Variants in C4orf50 observed in about 807,000 individuals in gnomAD.
C4orf50 encodes chromosome 4 open reading frame 50.
A neutral mutation model predicts 77.2 loss-of-function variants in C4orf50; 80 were observed. That is an observed-to-expected ratio of 1.04 (90% confidence interval 0.87 to 1.25). The LOEUF (loss-of-function observed/expected upper bound fraction) is 1.25, where lower values mean the gene tolerates loss of function less well. Among genes scored for constraint, C4orf50 ranks in the 50% most tolerant of loss-of-function variants. The pLI is 0.00. For missense variants in C4orf50, 1,257 were observed against 1,152.9 expected (o/e 1.09, Z -1.31); for synonymous variants, 532 against 465.3 (o/e 1.14, Z -1.84).
At chr4:5,988,551 A>T (rs1721016061) in exon 28 of C4orf50, 1 of 1,537,024 alleles carries the variant, frequency 6.5e-7, no homozygotes, top group Non-Finnish European at 8.7e-7. Flanking sequence ...TGCCTGTGGA[A>T]GGTCCTGTCT....
At chr4:5,898,181 A>G (rs1716205964) in exon 8 of C4orf50, 1 of 152,202 alleles carries the variant, frequency 6.6e-6, no homozygotes, top group Non-Finnish European at 1.5e-5. Flanking sequence ...GGTTCTACCA[A>G]AGTGAACTTG....
intron 7 of C4orf50, among the ~76,000 whole-genome samples, chr4:5,912,530 G>C (rs528849246): frequency 6.6e-6 from 1 of 152,218 alleles, no homozygotes; most frequent in Non-Finnish European, 1.5e-5. Context: ...AAAGGGGTAT[G>C]ATGGTGAAAG....
At chr4:5,995,516 C>CACAT (rs1721534186) in intron 25 of C4orf50, among the ~76,000 whole-genome samples, 1 of 146,940 alleles carries the variant, frequency 6.8e-6, no homozygotes, top group Non-Finnish European at 1.5e-5. Context: ...CACACACACA[C>CACAT]ACTCAGCTGT....
chr4:5,988,803 C>CATGTCTTCT, exon 28 of C4orf50: 1 of 1,536,122 alleles, frequency 6.5e-7, no homozygotes, highest in Non-Finnish European at 8.7e-7. Flanking sequence ...AGGCCCGGAT[C>CATGTCTTCT]ATGTCTTCTA....
At position 6,017,320 on chromosome 4, in the gene C4orf50, C is replaced by T. The variant is rs1722718424; in HGVS notation, c.287+825G>A. On this transcript the variant is annotated intron_variant, in intron 23 of 33. Coordinates refer to ENST00000531445, the Ensembl canonical transcript of C4orf50. This position sits in a 1 kb window ranked among gnomAD's most constrained non-coding sequence, Gnocchi z 4.7. ...TGTTACCAGGGCAGGGCAGAGCAGC[C>T]AGGCCACCCAGCGGGAGCTGGGACC... Among the ~76,000 whole-genome samples the T allele has an allele frequency of 6.6e-6, 1 of 152,214 alleles. No homozygotes were observed. Among genetic ancestry groups the T allele is most frequent in the African/African-American group, 2.4e-5 (1 of 41,458 alleles).
At chr4:5,937,622 T>A (rs1008167338) in intron 7 of C4orf50, among the ~76,000 whole-genome samples, 2 of 152,164 alleles carry the variant, frequency 1.3e-5, no homozygotes, top group East Asian at 3.8e-4. Flanking sequence ...AAACTTTCCA[T>A]TTAAAAGACA....
At chr4:5,915,128 A>G (rs116392195) in intron 7 of C4orf50, among the ~76,000 whole-genome samples, 2,993 of 152,288 alleles carry the variant, frequency 0.02, 54 homozygotes, top group South Asian at 0.045. Context: ...GGGAATGGCC[A>G]GAGGGATCTT....
chr4:6,016,676 G>C (rs983976734), intron 23 of C4orf50, among the ~76,000 whole-genome samples: 1 of 152,104 alleles, frequency 6.6e-6, no homozygotes, highest in Non-Finnish European at 1.5e-5. Flanking sequence ...TGGCAACCCA[G>C]GCAAACTAAC....
At chr4:5,952,377 G>A (rs951351789), downstream of C4orf50, among the ~76,000 whole-genome samples, 3 of 152,202 alleles carry the variant, frequency 2.0e-5, no homozygotes, top group African/African-American at 2.4e-5. This position sits in a 1 kb window ranked among gnomAD's most constrained non-coding sequence, Gnocchi z 4.4. Flanking sequence ...GAAGCCAGCC[G>A]AATTGCACCC....
At chr4:6,010,290 A>G (rs2108811437) in intron 24 of C4orf50, among the ~76,000 whole-genome samples, 1 of 152,114 alleles carries the variant, frequency 6.6e-6, no homozygotes, top group East Asian at 1.9e-4. Flanking sequence ...AAGTAACTCG[A>G]TTTTCTGCAC....
chr4:5,902,671 A>AT (rs1716391126), intron 7 of C4orf50: 1 of 152,114 alleles, frequency 6.6e-6, no homozygotes, highest in Non-Finnish European at 1.5e-5. Context: ...GAGAAAACAG[A>AT]TCCCCAGACG....
chr4:5,988,938 A>T (rs1649996202), exon 28 of C4orf50: 1 of 1,535,906 alleles, frequency 6.5e-7, no homozygotes, highest in African/African-American at 1.4e-5. Context: ...TGACACTCTC[A>T]GACGTGGCTT....
intron 24 of C4orf50, among the ~76,000 whole-genome samples, chr4:6,010,089 A>T (rs922949769): frequency 3.3e-5 from 5 of 152,166 alleles, no homozygotes; most frequent in Admixed American, 6.5e-5. Flanking sequence ...CACTGTGAAC[A>T]TCATTACAGG....
chr4:6,014,388 A>T (rs1048774393), intron 23 of C4orf50, among the ~76,000 whole-genome samples: 2 of 152,210 alleles, frequency 1.3e-5, no homozygotes, highest in Admixed American at 1.3e-4. Flanking sequence ...GTAAGTGCTT[A>T]GCTGTTATTA....
At chr4:5,917,199 T>A (rs1465110890) in intron 7 of C4orf50, among the ~76,000 whole-genome samples, 1 of 152,154 alleles carries the variant, frequency 6.6e-6, no homozygotes, top group African/African-American at 2.4e-5. Flanking sequence ...TTGTCTAAAA[T>A]CTGAGAAGGT....
chr4:6,004,375 GTGA>G (rs1166877808), intron 25 of C4orf50, among the ~76,000 whole-genome samples: 2 of 116,132 alleles, frequency 1.7e-5, no homozygotes, highest in Admixed American at 9.8e-5. Context: ...GATGGTGATG[GTGA>G]TGATGGTGAT....
intron 33 of C4orf50, 109 bp from the exon 12 acceptor site, chr4:5,959,735 C>A (rs567558614): frequency 1.5e-6 from 2 of 1,359,294 alleles, no homozygotes; most frequent in African/African-American, 3.0e-5. Flanking sequence ...CTAACGGTTT[C>A]GGGGCACTTT....
In C4orf50 at chr4:5,952,018, A is replaced by G. The variant is rs1718746899; in HGVS notation, c.*2474+4883T>C. On this transcript the variant is annotated intron_variant, in intron 7 of 7. Transcript: ENST00000324058. The surrounding 1 kb of genome is among the most constrained non-coding windows in gnomAD (Gnocchi z 4.4). The stretch of plus-strand genomic sequence containing the variant: ...CAGAATTTGCACTACAGACAGTGAG[A>G]TAAAATAAAATATGTGCTTGGAAGT... Among the ~76,000 whole-genome samples the G allele has an allele frequency of 1.3e-5, 2 of 152,216 alleles. No individual in the cohort carries two copies. Among genetic ancestry groups the G allele is most frequent in the Non-Finnish European group, 2.9e-5 (2 of 68,040 alleles).
chr4:5,989,166 G>A, exon 28 of C4orf50: 1 of 1,535,218 alleles, frequency 6.5e-7, no homozygotes, highest in Non-Finnish European at 8.7e-7. Flanking sequence ...CTCTTTCAAG[G>A]GCGCACACTC....
Sources: allele counts gnomAD v4.1 joint callset (sites outside exome capture counted in the v4.1 genomes callset), GRCh38; gene constraint gnomAD v4.1.1; non-coding constraint Gnocchi (gnomAD v3.1); transcripts MANE v1.5; gene names NCBI Gene and HGNC (gene_info 2026-07-23, HGNC 2026-07-21).